The following CNTNAP2 variants were observed in gnomAD, a reference collection of about 807,000 sequenced individuals.
CNTNAP2 encodes the protein contactin-associated protein-like 2.
In CNTNAP2, 98 loss-of-function variants were observed where a neutral mutation model predicts 155.2. The ratio of observed to expected loss-of-function variants is 0.63; its 90% CI spans 0.54 to 0.75. The LOEUF is 0.75. CNTNAP2 is among the 30% of genes least tolerant of loss of function. The pLI is 0.00. For missense variants in CNTNAP2, 1,727 were observed against 1,688.1 expected (o/e 1.02, Z -0.40); for synonymous variants, 651 against 631.2 (o/e 1.03, Z -0.47).
chr7:146,441,073 A>T lies in CNTNAP2; in HGVS notation c.97+324100A>T, dbSNP rs75508823. Among the ~76,000 whole-genome samples, 713 of 151,656 alleles carry T rather than the reference A, an allele frequency of 4.7e-3. 12 individuals carry two copies. Among genetic ancestry groups the T allele is most frequent in the Middle Eastern group, 0.041 (12 of 294 alleles). On this transcript the variant is annotated intron_variant, in intron 1 of 23. Transcript: ENST00000361727. Reference sequence around the variant, plus strand: ...AATTGTAGGCGTATTTCACTTACTCATAAGTTGAAGATTTTGGAGAGATGA... The same window carrying T: ...AATTGTAGGCGTATTTCACTTACTCTTAAGTTGAAGATTTTGGAGAGATGA...
intron 15 of CNTNAP2, among the ~76,000 whole-genome samples, chr7:148,080,936 A>G (rs1243380184): frequency 6.6e-6 from 1 of 152,142 alleles, no homozygotes; most frequent in Non-Finnish European, 1.5e-5. Flanking sequence ...ATGTGGATGG[A>G]TTCTTAGGTG....
At chr7:148,126,863 T>A (rs1367657203) in intron 16 of CNTNAP2, among the ~76,000 whole-genome samples, 1 of 152,146 alleles carries the variant, frequency 6.6e-6, no homozygotes, top group Admixed American at 6.5e-5. Context: ...CCCCAAGATA[T>A]GGGCCACTCA....
intron 15 of CNTNAP2, among the ~76,000 whole-genome samples, chr7:148,099,038 G>A (rs1455216587): frequency 6.6e-6 from 1 of 152,166 alleles, no homozygotes; most frequent in East Asian, 1.9e-4. Context: ...ACAGTGAGAG[G>A]AAGGAAGAAA....
intron 1 of CNTNAP2, among the ~76,000 whole-genome samples, chr7:146,406,304 C>CA (rs1259784907): frequency 1.3e-5 from 2 of 152,230 alleles, no homozygotes; most frequent in Non-Finnish European, 1.5e-5. Flanking sequence ...TATTTTTTAA[C>CA]AAAATGTTGT....
chr7:148,393,797 T>A (rs1799407119), intron 22 of CNTNAP2, among the ~76,000 whole-genome samples: 1 of 152,150 alleles, frequency 6.6e-6, no homozygotes. Context: ...TGTTATAGTT[T>A]GTATTTCATT....
intron 3 of CNTNAP2, among the ~76,000 whole-genome samples, chr7:146,848,472 G>C (rs927709429): frequency 6.6e-6 from 1 of 152,158 alleles, no homozygotes; most frequent in African/African-American, 2.4e-5. Context: ...TGGTGATAAG[G>C]CTAAACATAT....
At chr7:146,519,171 A>G (rs1446090163) in intron 1 of CNTNAP2, among the ~76,000 whole-genome samples, 1 of 151,788 alleles carries the variant, frequency 6.6e-6, no homozygotes, top group Non-Finnish European at 1.5e-5. Context: ...AATATTGAGT[A>G]TTGATAATAT....
chr7:147,472,094 G>A (rs1798230391), intron 10 of CNTNAP2, among the ~76,000 whole-genome samples: 1 of 152,018 alleles, frequency 6.6e-6, no homozygotes, highest in Admixed American at 6.5e-5. Context: ...TGCTATAGAA[G>A]AGGAGCATGA....
chr7:147,945,929 G>C (rs1800813650), intron 14 of CNTNAP2, among the ~76,000 whole-genome samples: 1 of 140,790 alleles, frequency 7.1e-6, no homozygotes, highest in Non-Finnish European at 1.5e-5. Context: ...GTGCGGTGGT[G>C]CCATCTCGGC....
chr7:146,160,484 A>C (rs543618623), intron 1 of CNTNAP2, among the ~76,000 whole-genome samples: 10 of 152,330 alleles, frequency 6.6e-5, no homozygotes, highest in Non-Finnish European at 1.5e-4. Context: ...GAAAAGAGAG[A>C]AGAATCAAAT....
At chr7:147,993,378 TC>T (rs1176383531) in intron 15 of CNTNAP2, among the ~76,000 whole-genome samples, 1 of 152,220 alleles carries the variant, frequency 6.6e-6, no homozygotes, top group Non-Finnish European at 1.5e-5. Context: ...GACATAGCCT[TC>T]CTTTATGGAA....
intron 12 of CNTNAP2, among the ~76,000 whole-genome samples, chr7:147,593,205 T>C (rs1347758527): frequency 7.0e-6 from 1 of 141,876 alleles, no homozygotes; most frequent in South Asian, 2.3e-4. Context: ...TCTTAAGACC[T>C]TCCCTTATTT....
chr7:147,308,250 G>A (rs1192407817), intron 9 of CNTNAP2, among the ~76,000 whole-genome samples: 2 of 152,180 alleles, frequency 1.3e-5, no homozygotes, highest in Non-Finnish European at 2.9e-5. Flanking sequence ...CAGTGTGGCT[G>A]AGAAAAGGTG....
At chr7:146,487,906 A>G (rs1797080369) in intron 1 of CNTNAP2, among the ~76,000 whole-genome samples, 1 of 152,140 alleles carries the variant, frequency 6.6e-6, no homozygotes, top group African/African-American at 2.4e-5. Context: ...GAGAGACCCA[A>G]ACCGATCTGT....
chr7:148,119,553 T>G (rs992645712), intron 16 of CNTNAP2, among the ~76,000 whole-genome samples: 4 of 152,008 alleles, frequency 2.6e-5, no homozygotes, highest in African/African-American at 9.7e-5. Flanking sequence ...AAAGTCTCCC[T>G]TTGCCAAGTC....
At chr7:148,371,719 A>G (rs1798888634) in intron 21 of CNTNAP2, among the ~76,000 whole-genome samples, 1 of 152,170 alleles carries the variant, frequency 6.6e-6, no homozygotes, top group African/African-American at 2.4e-5. Context: ...TTATGCGAAT[A>G]CCACAGAGTG....
rs570517005 is a variant in CNTNAP2 at position 146,305,997 on chromosome 7, T to C, written c.97+189024T>C. ...AAAATAAACAAAATTGATAGACCGC[T>C]AGCAAGACAAATAAAGGAGAAAAGA... On this transcript the variant is annotated intron_variant, in intron 1 of 23. Coordinates refer to ENST00000361727, the MANE Select transcript of CNTNAP2 (RefSeq NM_014141.6). Among the ~76,000 whole-genome samples, 397 of 151,960 alleles carry C rather than the reference T, an allele frequency of 2.6e-3. 2 individuals carry two copies. Among genetic ancestry groups the C allele is most frequent in the Middle Eastern group, 0.02 (6 of 294 alleles).
chr7:146,884,112 C>T (rs1795608116), intron 3 of CNTNAP2, among the ~76,000 whole-genome samples: 1 of 152,018 alleles, frequency 6.6e-6, no homozygotes, highest in African/African-American at 2.4e-5. Context: ...GGATGGGTTC[C>T]AGGACCGTCT....
intron 4 of CNTNAP2, among the ~76,000 whole-genome samples, chr7:147,061,983 C>A (rs1287163343): frequency 6.6e-6 from 1 of 151,236 alleles, no homozygotes; most frequent in Non-Finnish European, 1.5e-5. Context: ...AAAAATTTAG[C>A]CAGGCGTGGT....
Sources: gnomAD v4.1 joint callset for allele counts (sites outside exome capture counted in the v4.1 genomes callset) on GRCh38, gnomAD v4.1.1 for gene constraint, MANE v1.5 for transcripts, NCBI Gene and HGNC (gene_info 2026-07-23, HGNC 2026-07-21) for gene names.